Variants in HIBCH observed in about 807,000 individuals in gnomAD.
HIBCH encodes the protein 3-hydroxyisobutyryl-CoA hydrolase.
A neutral mutation model predicts 58.2 loss-of-function variants in HIBCH; 50 were observed. The ratio of observed to expected loss-of-function variants is 0.86; its 90% confidence interval spans 0.68 to 1.09. The LOEUF is 1.09. Ranked by LOEUF, HIBCH falls within the 50% of genes least tolerant of loss-of-function variation. The pLI is 0.00. For missense variants in HIBCH, 450 were observed against 449.7 expected (o/e 1.00, Z -0.01); for synonymous variants, 151 against 146.9 (o/e 1.03, Z -0.20).
At chr2:190,192,055 T>A (rs548707259) in intron 1 of HIBCH, among the ~76,000 whole-genome samples, 49 of 152,266 alleles carry the variant, frequency 3.2e-4, no homozygotes, top group Non-Finnish European at 5.4e-4. Context: ...AGATCGCAAA[T>A]GTTTTGTCTT....
chr2:190,244,915 C>A lies in HIBCH; in HGVS notation c.863G>T (p.Gly288Val), dbSNP rs750337514. The stretch of plus-strand genomic sequence containing the variant: ...CAATTGCTCTAGGGCAAAAGATGAA[C>A]CATCTTGCTGTAAGTTTTCAATAAT... ...EEIIENLQQDGSSFALEQLKV... is the reference protein window; with the variant it reads ...EEIIENLQQDVSSFALEQLKV... The change falls in exon 11 of 14, where the codon GGT (glycine) becomes GTT (valine). Residue 288 changes from glycine to valine, a missense_variant. By Grantham distance (109) the Gly-to-Val change is moderately radical. Transcript: ENST00000359678. 9.9e-6 allele frequency: 16 copies of A among 1,611,524 alleles called. No individual in the cohort carries two copies. The South Asian group carries it at 1.8e-4, about 18-fold the overall frequency.
chr2:190,207,973 A>G lies in HIBCH; in HGVS notation c.1045+907T>C, dbSNP rs953231930. On this transcript the variant is annotated intron_variant, in intron 13 of 13. Coordinates refer to ENST00000359678, the MANE Select transcript of HIBCH (RefSeq NM_014362.4). This position sits in a 1 kb window ranked among gnomAD's most constrained non-coding sequence, Gnocchi z 4.5. ...ATAAAAACAGGAACATTAGATATGCAAAATACATGCAGAGGGAACAACTCA... is the reference window on the plus strand; with the variant it reads ...ATAAAAACAGGAACATTAGATATGCGAAATACATGCAGAGGGAACAACTCA... 6.6e-6 allele frequency among the ~76,000 whole-genome samples: 1 copy of G among 152,246 alleles called. No homozygotes were observed. Among genetic ancestry groups the G allele is most frequent in the Non-Finnish European group, 1.5e-5 (1 of 68,042 alleles).
intron 6 of HIBCH, among the ~76,000 whole-genome samples, chr2:190,286,550 ATCT>A (rs1201842666): frequency 6.6e-6 from 1 of 152,174 alleles, no homozygotes; most frequent in East Asian, 1.9e-4. Flanking sequence ...TCAATTCACC[ATCT>A]TCTCCATGCA....
chr2:190,241,855 T>A (rs1686463565), intron 11 of HIBCH, among the ~76,000 whole-genome samples: 1 of 152,240 alleles, frequency 6.6e-6, no homozygotes, highest in Non-Finnish European at 1.5e-5. Context: ...TGGGCTTCCC[T>A]TTGTGGGTAA....
At chr2:190,270,443 T>C (rs555600718) in intron 6 of HIBCH, among the ~76,000 whole-genome samples, 1 of 152,194 alleles carries the variant, frequency 6.6e-6, no homozygotes, top group East Asian at 1.9e-4. Context: ...ATAACCACAG[T>C]AAAGAAGACA....
intron 13 of HIBCH, 108 bp from the exon 14 acceptor site, chr2:190,205,340 T>C: frequency 2.9e-6 from 2 of 690,702 alleles, no homozygotes; most frequent in Non-Finnish European, 5.0e-6. Context: ...TTTTCTATCA[T>C]ACTTTTTTCC....
chr2:190,194,477 TACACAC>T (rs3083429), intron 1 of HIBCH, among the ~76,000 whole-genome samples: 7,126 of 141,390 alleles, frequency 0.05, 349 homozygotes, highest in African/African-American at 0.13. Flanking sequence ...ATCCTGTGTA[TACACAC>T]ACACACACAC....
At position 190,306,852 on chromosome 2, in the gene HIBCH, T is replaced by C. The variant is rs971209648; in HGVS notation, c.78+3902A>G. Among the ~76,000 whole-genome samples the C allele has an allele frequency of 2.0e-5, 3 of 152,100 alleles. No homozygotes were observed. Among genetic ancestry groups the C allele is most frequent in the Non-Finnish European group, 4.4e-5 (3 of 68,014 alleles). ...CTCATGAATGAGATTAACGCCCTTA[T>C]AAAAGAAACCCTGGAGAGCTTCTTC... On this transcript the variant is annotated intron_variant, in intron 2 of 13. Coordinates refer to ENST00000359678, the MANE Select transcript of HIBCH (RefSeq NM_014362.4). The surrounding 1 kb of genome is among the most constrained non-coding windows in gnomAD (Gnocchi z 4.6).
intron 2 of HIBCH, among the ~76,000 whole-genome samples, chr2:190,305,307 G>A (rs140010362): frequency 4.8e-4 from 73 of 152,234 alleles, no homozygotes; most frequent in African/African-American, 1.6e-3. Context: ...TTGTCTCACA[G>A]TTCTGAAGGC....
chr2:190,192,476 G>GTA lies in HIBCH; in HGVS notation c.*18-2480_*18-2479insTA, dbSNP rs1689760595. ...TCTGTGTGTGTGTGTGTGTGTGTGT[G>GTA]TGTGTGTGTGTGTGTATCTATATAT... On this transcript the variant is annotated intron_variant, in intron 1 of 1. Coordinates refer to the HIBCH transcript ENST00000399855. Among the ~76,000 whole-genome samples, 3 of 145,408 alleles carry GTA rather than the reference G, an allele frequency of 2.1e-5. No individual in the cohort carries two copies. The South Asian group carries it at 6.5e-4, about 31-fold the overall frequency.
At chr2:190,229,911 G>T (rs187084685) in intron 11 of HIBCH, among the ~76,000 whole-genome samples, 4 of 151,880 alleles carry the variant, frequency 2.6e-5, no homozygotes, top group African/African-American at 9.7e-5. Context: ...CCGTAAAAAC[G>T]TAACAGTTAA....
Position 190,279,134 on chromosome 2 carries a change from A to G in HIBCH, c.438+8452T>C, listed in dbSNP as rs1373071523. On this transcript the variant is annotated intron_variant, in intron 6 of 13. Transcript: ENST00000359678. The surrounding 1 kb of genome is among the most constrained non-coding windows in gnomAD (Gnocchi z 4.2). ...CCTGATCTGGTGAAGGGGCAAGAGCATGCCAAACTGGCTTTTAAAACAGAC... is the reference window on the plus strand; with the variant it reads ...CCTGATCTGGTGAAGGGGCAAGAGCGTGCCAAACTGGCTTTTAAAACAGAC... Among the ~76,000 whole-genome samples, 2 of 152,220 alleles carry G rather than the reference A, an allele frequency of 1.3e-5. No homozygotes were observed. Among genetic ancestry groups the G allele is most frequent in the Admixed American group, 1.3e-4 (2 of 15,290 alleles).
At chr2:190,262,163 CAA>C (rs982653583) in intron 6 of HIBCH, among the ~76,000 whole-genome samples, 20 of 91,898 alleles carry the variant, frequency 2.2e-4, no homozygotes, top group Non-Finnish European at 3.1e-4. Flanking sequence ...GCGGTAGAGA[CAA>C]AAAAAAAAAA....
rs1690582031 is a variant in HIBCH at position 190,214,309 on chromosome 2, T to C, written c.892-1234A>G. The C allele has an allele frequency of 6.6e-6, 1 of 151,980 alleles. No individual in the cohort carries two copies. Among genetic ancestry groups the C allele is most frequent in the African/African-American group, 2.4e-5 (1 of 41,328 alleles). 9.4% of individuals were successfully genotyped at this position (151,980 alleles called of 1,614,324 possible). On this transcript the variant is annotated intron_variant, in intron 11 of 13. Transcript: ENST00000359678. This position sits in a 1 kb window ranked among gnomAD's most constrained non-coding sequence, Gnocchi z 5.5. ...CCCGGAGTGTGCAAGAAACCTCCAG[T>C]AAGGGGGGCTGAGTACACAGCAAAA...
chr2:190,262,069 C>T (rs182570942), intron 6 of HIBCH, among the ~76,000 whole-genome samples: 2 of 149,612 alleles, frequency 1.3e-5, no homozygotes, highest in Admixed American at 1.4e-4. Context: ...AGTTGTCAGT[C>T]GATGACAGGC....
intron 7 of HIBCH, among the ~76,000 whole-genome samples, chr2:190,256,552 A>G (rs573849914): frequency 1.3e-5 from 2 of 150,846 alleles, no homozygotes; most frequent in African/African-American, 5.0e-5. Context: ...TACTTAAAAG[A>G]ATACAAAAAT....
At chr2:190,301,727 T>C (rs1004831425) in intron 2 of HIBCH, among the ~76,000 whole-genome samples, 1 of 152,126 alleles carries the variant, frequency 6.6e-6, no homozygotes, top group African/African-American at 2.4e-5. Flanking sequence ...GGCTAGGAAG[T>C]TCAAGATCAA....
chr2:190,250,609 A>T (rs1217174648), intron 8 of HIBCH: 2 of 190,650 alleles, frequency 1.0e-5, no homozygotes, highest in Non-Finnish European at 2.2e-5. Flanking sequence ...CAGGATAATC[A>T]CATGCCCATG....
intron 7 of HIBCH, among the ~76,000 whole-genome samples, chr2:190,257,365 G>A (rs916246422): frequency 1.3e-5 from 2 of 152,068 alleles, no homozygotes; most frequent in African/African-American, 4.8e-5. Flanking sequence ...GGAAATGAAA[G>A]AAGAGCAAAC....
Sources: gnomAD v4.1 joint callset for allele counts (sites outside exome capture counted in the v4.1 genomes callset) on GRCh38, gnomAD v4.1.1 for gene constraint, Gnocchi (gnomAD v3.1) non-coding constraint, MANE v1.5 for transcripts, NCBI Gene and HGNC (gene_info 2026-07-23, HGNC 2026-07-21) for gene names.